The following MYO16 variants were observed in gnomAD, a reference collection of about 807,000 sequenced individuals.
MYO16 encodes the protein unconventional myosin-XVI.
MYO16 carries 94 observed loss-of-function variants against 205.3 expected under a neutral mutation model. That is an observed-to-expected ratio of 0.46 (90% confidence interval 0.39 to 0.54). The LOEUF (loss-of-function observed/expected upper bound fraction) is 0.54, where lower values mean the gene tolerates loss of function less well. Ranked by LOEUF, MYO16 falls within the 20% of genes least tolerant of loss-of-function variation. MYO16 has a pLI of 0.00. For missense variants in MYO16, 2,315 were observed against 2,387.5 expected, an observed-to-expected ratio of 0.97 and a Z score of 0.63; for synonymous variants, 988 against 954.0, an observed-to-expected ratio of 1.04 and a Z score of -0.66.
rs1306812457 is a variant in MYO16, at chr13:108,602,120, AAAC to A, written c.-39+5883_-39+5885del. On this transcript the variant is annotated intron_variant, in intron 1 of 24. Transcript: ENST00000251041. ...TATGATGAAAAAAAAAAAAAAAAAAAAACAGCCCAGGAAGAATTCCATCACTGG... is the reference window on the plus strand; with the variant it reads ...TATGATGAAAAAAAAAAAAAAAAAAAAGCCCAGGAAGAATTCCATCACTGG... Among the ~76,000 whole-genome samples, 7 of 138,682 alleles carry A rather than the reference AAAC, an allele frequency of 5.0e-5. No individual in the cohort carries two copies. The South Asian group carries it at 7.1e-4, about 14-fold the overall frequency. The allele number at this position is 138,682 out of a possible 152,430, so 91.0% of individuals were successfully genotyped here. A position where few individuals can be genotyped will look rare whatever the true frequency, so the allele number is the denominator to read the frequency against.
intron 34 of MYO16, chr13:109,201,551 A>G (rs1367091334): frequency 2.0e-5 from 3 of 148,486 alleles, no homozygotes; most frequent in African/African-American, 2.5e-5. Flanking sequence ...TTGATGACAA[A>G]TTCCCTCATT....
At chr13:109,111,146 G>A (rs1889269979) in intron 28 of MYO16, among the ~76,000 whole-genome samples, 2 of 152,248 alleles carry the variant, frequency 1.3e-5, no homozygotes, top group South Asian at 4.2e-4. Flanking sequence ...ATAGGTAAAG[G>A]CCTTTTCATG....
chr13:108,789,088 A>G (rs916624081), intron 5 of MYO16, among the ~76,000 whole-genome samples: 2 of 152,154 alleles, frequency 1.3e-5, no homozygotes, highest in Admixed American at 1.3e-4. Context: ...TCACTCCTGC[A>G]TACGCAGTTT....
At chr13:109,063,357 C>T (rs200004502) in intron 27 of MYO16, among the ~76,000 whole-genome samples, 1 of 152,120 alleles carries the variant, frequency 6.6e-6, no homozygotes, top group African/African-American at 2.4e-5. Context: ...ACTCTGTCTT[C>T]AATGGCAAGA....
chr13:109,067,174 T>C (rs1168402216), intron 27 of MYO16, among the ~76,000 whole-genome samples: 1 of 152,218 alleles, frequency 6.6e-6, no homozygotes, highest in Non-Finnish European at 1.5e-5. Flanking sequence ...ATACTCACTA[T>C]CCTTCTCCTT....
At chr13:108,942,229 AT>A (rs1051817687) in intron 16 of MYO16, among the ~76,000 whole-genome samples, 8 of 151,986 alleles carry the variant, frequency 5.3e-5, no homozygotes, top group African/African-American at 1.5e-4. Context: ...TTGTTTGACT[AT>A]TTTTTCTCCA....
intron 4 of MYO16, among the ~76,000 whole-genome samples, chr13:108,768,750 T>C (rs950377491): frequency 5.3e-5 from 8 of 152,178 alleles, no homozygotes; most frequent in Non-Finnish European, 1.2e-4. Flanking sequence ...AGTTAAATTA[T>C]ATTCGTCTTA....
intron 34 of MYO16, among the ~76,000 whole-genome samples, chr13:109,188,090 C>T (rs1287562291): frequency 6.6e-6 from 1 of 152,176 alleles, no homozygotes; most frequent in East Asian, 1.9e-4. Flanking sequence ...CATCATTATA[C>T]AATTTCATTT....
At chr13:108,939,526 G>A (rs888026112) in intron 16 of MYO16, among the ~76,000 whole-genome samples, 8 of 152,164 alleles carry the variant, frequency 5.3e-5, no homozygotes, top group Non-Finnish European at 1.2e-4. Flanking sequence ...GGTTTTAATT[G>A]GGTTGATCCT....
At position 109,132,847 on chromosome 13, in the gene MYO16, G is replaced by A. The variant is rs887274157; in HGVS notation, c.4051+5297G>A. Among the ~76,000 whole-genome samples, 7 of 152,272 alleles carry A rather than the reference G, an allele frequency of 4.6e-5. No homozygotes were observed. The East Asian group carries it at 7.7e-4, about 17-fold the overall frequency. ...TCTTCCATGAGCCTGGATTCTCCCC[G>A]AGGATCTGACAGACCAGTAGGAGAG... On this transcript the variant is annotated intron_variant, in intron 31 of 34. Coordinates refer to ENST00000457511, the MANE Select transcript of MYO16 (RefSeq NM_001198950.3).
chr13:109,151,362 A>C (rs1047870164), intron 32 of MYO16, among the ~76,000 whole-genome samples: 1 of 152,172 alleles, frequency 6.6e-6, no homozygotes, highest in African/African-American at 2.4e-5. Flanking sequence ...GCCATTTGCA[A>C]ATTTAATAAC....
At chr13:109,072,870 T>TGTTTCCTTCCATCCTTTACTCTCAG (rs1386431012) in intron 27 of MYO16, among the ~76,000 whole-genome samples, 40 of 152,196 alleles carry the variant, frequency 2.6e-4, no homozygotes, top group Non-Finnish European at 4.3e-4. Context: ...CTTTGTCTTT[T>TGTTTCCTTCCATCCTTTACTCTCAG]GTTTCCTTCC....
chr13:108,907,447 A>G (rs1881042776), intron 15 of MYO16, among the ~76,000 whole-genome samples: 1 of 152,172 alleles, frequency 6.6e-6, no homozygotes, highest in African/African-American at 2.4e-5. Flanking sequence ...GTTTCTTTTT[A>G]TGTATGAACA....
the MYO16 span, among the ~76,000 whole-genome samples, chr13:108,510,485 T>TTTTTTTA: frequency 2.1e-5 from 2 of 96,472 alleles, no homozygotes; most frequent in Admixed American, 1.0e-4. Flanking sequence ...TTTTTTTTTT[T>TTTTTTTA]ATTGTACTTT....
intron 20 of MYO16, among the ~76,000 whole-genome samples, chr13:108,987,078 CT>C (rs1348482223): frequency 6.6e-6 from 1 of 152,192 alleles, no homozygotes; most frequent in East Asian, 1.9e-4. Flanking sequence ...TTCTCTAAGT[CT>C]AATTAACTGC....
chr13:109,108,475 G>A (rs1443660319), intron 28 of MYO16, among the ~76,000 whole-genome samples: 1 of 152,218 alleles, frequency 6.6e-6, no homozygotes, highest in Non-Finnish European at 1.5e-5. Context: ...CTAGGCCTAT[G>A]CCTAATCCAA....
At chr13:109,203,620 CA>C (rs1386854400) in intron 34 of MYO16, among the ~76,000 whole-genome samples, 1 of 152,140 alleles carries the variant, frequency 6.6e-6, no homozygotes, top group Non-Finnish European at 1.5e-5. Context: ...CTTTGTTCCT[CA>C]GCCCTGAAAG....
intron 31 of MYO16, among the ~76,000 whole-genome samples, chr13:109,135,490 G>A (rs1396663590): frequency 2.0e-5 from 3 of 152,184 alleles, no homozygotes; most frequent in African/African-American, 7.2e-5. Flanking sequence ...TCAGGGTTGT[G>A]TTGTTGCTGT....
chr13:108,552,259 A>G, the MYO16 span, among the ~76,000 whole-genome samples: 1 of 152,210 alleles, frequency 6.6e-6, no homozygotes, highest in Non-Finnish European at 1.5e-5. Context: ...TGGGACCAAA[A>G]TGGAGAATAT....
Sources: allele counts gnomAD v4.1 joint callset (sites outside exome capture counted in the v4.1 genomes callset), GRCh38; gene constraint gnomAD v4.1.1; transcripts MANE v1.5; gene names NCBI Gene and HGNC (gene_info 2026-07-23, HGNC 2026-07-21).